The following MYO15B variants were observed in gnomAD, a reference collection of about 807,000 sequenced individuals.
MYO15B encodes myosin XVB pseudogene.
Under a neutral mutation model 119.3 loss-of-function variants are expected in MYO15B, and 207 were observed. The observed-to-expected ratio is 1.73, with a 90% CI of 1.55 to 1.95. MYO15B has a LOEUF of 1.95. Ranked by LOEUF, MYO15B falls within the 30% of genes most tolerant of loss-of-function variation. MYO15B has a pLI of 0.00. For missense variants in MYO15B, 2,264 were observed against 1,203.1 expected, an observed-to-expected ratio of 1.88 and a Z score of -13.04; for synonymous variants, 966 against 498.9, an observed-to-expected ratio of 1.94 and a Z score of -12.48.
Position 75,603,324 on chromosome 17 carries a change from C to T in MYO15B, c.4016+12C>T, listed in dbSNP as rs774955344. ...GCCTTCCTGGCCAGGTGGGGCCCAG[C>T]ACCTCGGGGCAGGACTGACAAGGAG... On this transcript the variant is annotated intron_variant, in intron 19 of 63. Transcript: ENST00000645453. 1 of 702,678 alleles carries T rather than the reference C, an allele frequency of 1.4e-6. No individual in the cohort carries two copies. Among genetic ancestry groups the T allele is most frequent in the Non-Finnish European group, 2.6e-6 (1 of 384,898 alleles). The allele number at this position is 702,678 out of a possible 1,614,324, so 43.5% of individuals were successfully genotyped here.
chr17:75,607,241 A>T, intron 21 of MYO15B: 1 of 341,068 alleles, frequency 2.9e-6, no homozygotes, highest in Non-Finnish European at 5.3e-6. Context: ...CAAGACCCCC[A>T]GCCCCTGGTA....
intron 15 of MYO15B, among the ~76,000 whole-genome samples, chr17:75,601,866 G>T (rs971104310): frequency 3.2e-4 from 48 of 152,252 alleles, no homozygotes; most frequent in African/African-American, 1.1e-3. Context: ...TTCCTCACCT[G>T]TAAAATGGGT....
At chr17:75,623,646 T>G (rs554250579) in intron 53 of MYO15B, 135 bp from the exon 54 acceptor site, 2 of 634,638 alleles carry the variant, frequency 3.2e-6, no homozygotes, top group African/African-American at 3.6e-5. Context: ...GAGTAGCCAG[T>G]GCAGTGATGT....
chr17:75,600,304 G>A (rs1157765349), intron 14 of MYO15B, among the ~76,000 whole-genome samples: 1 of 151,880 alleles, frequency 6.6e-6, no homozygotes, highest in African/African-American at 2.4e-5. Flanking sequence ...TGGGATTACA[G>A]GCGTGAGCCA....
rs907143591 is a variant in MYO15B, at chr17:75,596,905, G to C, written c.3525+6G>C. On this transcript the variant is annotated splice_donor_region_variant and intron_variant, in intron 14 of 63. Transcript: ENST00000645453. ...CCCAGACATGGCTGTCCCAGGTAAGGGCCAGGATGGTGACCCCCCACCCAG... is the reference window on the plus strand; with the variant it reads ...CCCAGACATGGCTGTCCCAGGTAAGCGCCAGGATGGTGACCCCCCACCCAG... 3 of 693,170 alleles carry C rather than the reference G, an allele frequency of 4.3e-6. No homozygotes were observed. The African/African-American group carries it at 5.3e-5, about 12-fold the overall frequency. The allele number at this position is 693,170 out of a possible 1,614,324, so 42.9% of individuals were successfully genotyped here.
exon 45 of MYO15B, chr17:75,619,468 C>A (rs1373594052): frequency 2.8e-6 from 2 of 702,438 alleles, no homozygotes; most frequent in Admixed American, 4.0e-5. Context: ...CCGCTTCTTT[C>A]CTGTCTCGGT....
At chr17:75,594,089 CAAA>C (rs5822095) in intron 9 of MYO15B, among the ~76,000 whole-genome samples, 3 of 107,320 alleles carry the variant, frequency 2.8e-5, no homozygotes, top group Non-Finnish European at 3.6e-5. Flanking sequence ...GACCCTGTCT[CAAA>C]AAAAAAAAAA....
chr17:75,613,943 G>A, intron 29 of MYO15B, 166 bp downstream of exon 29: 1 of 595,692 alleles, frequency 1.7e-6, no homozygotes, highest in Middle Eastern at 4.3e-4. Context: ...TAGGAATGAG[G>A]GGCTTGGGAG....
exon 53 of MYO15B, chr17:75,622,061 T>C: frequency 1.4e-6 from 1 of 703,038 alleles, no homozygotes; most frequent in South Asian, 1.5e-5. Context: ...GAGATGGATC[T>C]GCTCTATGAA....
exon 57 of MYO15B, chr17:75,624,405 G>A (rs771790420): frequency 2.8e-6 from 2 of 702,538 alleles, no homozygotes; most frequent in South Asian, 3.0e-5. Context: ...TTATTCACCT[G>A]CCGGGGGGTG....
At chr17:75,588,510 G>C (rs1329670935) in exon 1 of MYO15B, 2 of 398,436 alleles carry the variant, frequency 5.0e-6, no homozygotes, top group African/African-American at 4.1e-5. Context: ...GGGACACGTC[G>C]GGTGGGGACG....
chr17:75,602,935 CG>C lies in MYO15B; in HGVS notation c.3837del (p.Leu1280TrpfsTer28), dbSNP rs1295734998. The C allele has an allele frequency of 1.3e-5, 9 of 691,096 alleles. No individual in the cohort carries two copies. Among genetic ancestry groups the C allele is most frequent in the Non-Finnish European group, 2.1e-5 (8 of 378,488 alleles). 42.8% of individuals were successfully genotyped at this position (691,096 alleles called of 1,614,324 possible). The stretch of plus-strand genomic sequence containing the variant: ...GCAGGCCCTGGAGGACCTCATAGCC[CG>C]GCTGGGCAGGTAAGAACAGCGCCCG... On this transcript the variant is annotated frameshift_variant, in exon 17 of 64. Coordinates refer to ENST00000645453, the Ensembl canonical transcript of MYO15B. LOFTEE classifies it high-confidence loss of function.
At position 75,596,454 on chromosome 17, in the gene MYO15B, C is replaced by T. The variant is rs981148021; in HGVS notation, c.3298-6C>T. On this transcript the variant is annotated splice_polypyrimidine_tract_variant and splice_region_variant and intron_variant, in intron 12 of 63. Transcript: ENST00000645453. ...ATGTGCCCACCTCACTGCCACATGC[C>T]CCCAGGCCCTGCGGGTGAATGGCCT... 1 of 703,008 alleles carries T rather than the reference C, an allele frequency of 1.4e-6. No individual in the cohort carries two copies. The highest frequency in any genetic ancestry group is 1.5e-5 in the South Asian group (1 of 67,606). 43.5% of individuals were successfully genotyped at this position (703,008 alleles called of 1,614,324 possible).
chr17:75,614,666 C>T (rs942949033), exon 31 of MYO15B: 71 of 701,582 alleles, frequency 1.0e-4, no homozygotes, highest in Admixed American at 3.0e-4. Context: ...CCAACGCTGC[C>T]CAGCAGGGAC....
At chr17:75,595,236 G>A (rs544240606) in intron 12 of MYO15B, among the ~76,000 whole-genome samples, 2 of 152,256 alleles carry the variant, frequency 1.3e-5, no homozygotes, top group East Asian at 1.9e-4. Context: ...TGGAGTTCTC[G>A]CTTCCACTCA....
chr17:75,608,797 G>T (rs1309706052), intron 21 of MYO15B, among the ~76,000 whole-genome samples: 1 of 151,984 alleles, frequency 6.6e-6, no homozygotes, highest in Non-Finnish European at 1.5e-5. Flanking sequence ...GCAATGGCTT[G>T]GTCTCAGCTC....
chr17:75,588,529 T>G (rs978447169), exon 1 of MYO15B: 4 of 398,264 alleles, frequency 1.0e-5, no homozygotes, highest in African/African-American at 8.2e-5. Flanking sequence ...CGGAGGCAGC[T>G]CCTGTCCGGA....
In MYO15B at chr17:75,621,921, A is replaced by G. The variant is rs2058733301; in HGVS notation, c.8006-83A>G. The G allele has an allele frequency of 9.0e-6, 6 of 669,140 alleles. No individual in the cohort carries two copies. The East Asian group carries it at 1.4e-4, about 15-fold the overall frequency. 41.5% of individuals were successfully genotyped at this position (669,140 alleles called of 1,614,324 possible). A position where few individuals can be genotyped will look rare whatever the true frequency, so the allele number is the denominator to read the frequency against. On this transcript the variant is annotated intron_variant, in intron 52 of 63. Coordinates refer to ENST00000645453, the Ensembl canonical transcript of MYO15B. ...GAGTGAGGCATCAGATGGCAGGTGA[A>G]GGCCCTGCACAGCAACAGCATGAGC...
chr17:75,624,843 A>G, exon 59 of MYO15B: 1 of 703,008 alleles, frequency 1.4e-6, no homozygotes, highest in East Asian at 2.7e-5. Flanking sequence ...GTGAGCCTGC[A>G]CAGCCGGCGG....
Sources: allele counts gnomAD v4.1 joint callset (sites outside exome capture counted in the v4.1 genomes callset), GRCh38; gene constraint gnomAD v4.1.1; transcripts MANE v1.5; gene names NCBI Gene and HGNC (gene_info 2026-07-23, HGNC 2026-07-21).